NKAIN3: variants seen among roughly 807,000 people sequenced by gnomAD.
NKAIN3 encodes sodium/potassium transporting ATPase interacting 3.
A neutral mutation model predicts 30.2 loss-of-function variants in NKAIN3; 25 were observed. The ratio of observed to expected loss-of-function variants is 0.83; its 90% CI spans 0.60 to 1.16. NKAIN3 has a LOEUF of 1.16. Ranked by LOEUF, NKAIN3 falls within the 50% of genes most tolerant of loss-of-function variation. NKAIN3 has a pLI of 0.00. For synonymous variants in NKAIN3, 91 were observed against 89.6 expected (o/e 1.02, Z -0.09); for missense variants, 225 against 254.1 (o/e 0.89, Z 0.78).
At chr8:62,617,932 A>G (rs1403646919) in intron 3 of NKAIN3, among the ~76,000 whole-genome samples, 2 of 152,246 alleles carry the variant, frequency 1.3e-5, no homozygotes, top group African/African-American at 2.4e-5. Context: ...CACCAGAACT[A>G]CATAATACAA....
chr8:62,908,767 A>G (rs1172601919), intron 4 of NKAIN3, among the ~76,000 whole-genome samples: 1 of 152,176 alleles, frequency 6.6e-6, no homozygotes, highest in Non-Finnish European at 1.5e-5. Context: ...TCCTTTATAA[A>G]TTACCCAGTC....
At chr8:62,481,923 G>T (rs1285919706) in intron 1 of NKAIN3, among the ~76,000 whole-genome samples, 1 of 152,132 alleles carries the variant, frequency 6.6e-6, no homozygotes, top group Non-Finnish European at 1.5e-5. Flanking sequence ...GTGAATGGTG[G>T]TTAGGTGGCC....
intron 4 of NKAIN3, among the ~76,000 whole-genome samples, chr8:62,789,569 T>C (rs1462501437): frequency 2.0e-5 from 3 of 151,978 alleles, no homozygotes; most frequent in African/African-American, 4.8e-5. Context: ...TCCAACACTA[T>C]GTTGAATAGG....
rs1456606405 is a variant in NKAIN3, at chr8:62,331,382, T to C, written c.54+82255T>C. 3.3e-5 allele frequency among the ~76,000 whole-genome samples: 5 copies of C among 152,160 alleles called. No homozygotes were observed. The East Asian group carries it at 9.7e-4, about 30-fold the overall frequency. On this transcript the variant is annotated intron_variant, in intron 1 of 6. Coordinates refer to ENST00000623646, the MANE Select transcript of NKAIN3 (RefSeq NM_001304533.3). ...CTATCTCCCCTAGCTCTCACCTCAC[T>C]ATATTCAATTTGTGATTTGCATCCA... is the stretch of plus-strand genomic sequence containing the variant.
At chr8:62,605,779 TG>T (rs1811106437) in intron 3 of NKAIN3, among the ~76,000 whole-genome samples, 1 of 152,112 alleles carries the variant, frequency 6.6e-6, no homozygotes, top group Non-Finnish European at 1.5e-5. Flanking sequence ...TTCAGGGATT[TG>T]AGCACCCTCA....
At chr8:62,628,485 T>G (rs1469556919) in intron 3 of NKAIN3, among the ~76,000 whole-genome samples, 1 of 152,152 alleles carries the variant, frequency 6.6e-6, no homozygotes, top group Non-Finnish European at 1.5e-5. Flanking sequence ...ATCATTAAGT[T>G]TTTTCATTTC....
At chr8:62,746,438 G>A (rs1378311573) in intron 3 of NKAIN3, among the ~76,000 whole-genome samples, 1 of 152,172 alleles carries the variant, frequency 6.6e-6, no homozygotes, top group Non-Finnish European at 1.5e-5. Flanking sequence ...AGTATCATTG[G>A]TGGAGGCAAT....
At chr8:62,758,044 A>G (rs1816511397) in intron 4 of NKAIN3, among the ~76,000 whole-genome samples, 1 of 152,202 alleles carries the variant, frequency 6.6e-6, no homozygotes, top group South Asian at 2.1e-4. Context: ...TGCCCTGGAA[A>G]TACCTGTCGC....
At chr8:62,606,906 G>A (rs1422720510) in intron 3 of NKAIN3, among the ~76,000 whole-genome samples, 1 of 152,148 alleles carries the variant, frequency 6.6e-6, no homozygotes, top group Non-Finnish European at 1.5e-5. Flanking sequence ...CTGAGACAGT[G>A]GGTGTAGTTA....
chr8:62,560,535 T>C (rs960723874), intron 1 of NKAIN3, among the ~76,000 whole-genome samples: 186 of 59,296 alleles, frequency 3.1e-3, no homozygotes, highest in Non-Finnish European at 5.0e-3. Context: ...TCTTTTCTTT[T>C]TTTTTTTTTT....
At chr8:62,938,491 G>C (rs1822854870) in intron 5 of NKAIN3, among the ~76,000 whole-genome samples, 1 of 152,032 alleles carries the variant, frequency 6.6e-6, no homozygotes, top group Admixed American at 6.6e-5. Flanking sequence ...CTCACACAGA[G>C]TCCACTTCAC....
At chr8:62,462,377 G>A (rs576178356) in intron 1 of NKAIN3, among the ~76,000 whole-genome samples, 207 of 152,260 alleles carry the variant, frequency 1.4e-3, no homozygotes, top group Non-Finnish European at 1.6e-3. Flanking sequence ...ACAATGCACC[G>A]ATTGTTCATT....
chr8:62,701,920 T>C (rs1308816093), intron 3 of NKAIN3, among the ~76,000 whole-genome samples: 4 of 152,170 alleles, frequency 2.6e-5, no homozygotes, highest in Admixed American at 6.5e-5. Context: ...TAACCCCATA[T>C]ACTCAGAATG....
intron 3 of NKAIN3, among the ~76,000 whole-genome samples, chr8:62,744,260 A>T (rs570886847): frequency 1.2e-4 from 18 of 152,318 alleles, no homozygotes; most frequent in Non-Finnish European, 2.5e-4. Flanking sequence ...AAGAAGTTTG[A>T]AGTTTAAGTA....
chr8:62,441,840 A>G (rs1381700972), intron 1 of NKAIN3, among the ~76,000 whole-genome samples: 1 of 152,042 alleles, frequency 6.6e-6, no homozygotes, highest in Non-Finnish European at 1.5e-5. Flanking sequence ...AAAAATATGT[A>G]CCAAATCACC....
intron 1 of NKAIN3, among the ~76,000 whole-genome samples, chr8:62,464,351 T>A (rs1806089731): frequency 6.6e-6 from 1 of 152,230 alleles, no homozygotes; most frequent in South Asian, 2.1e-4. Flanking sequence ...GATAACAGCG[T>A]ATTTCATCAA....
Position 62,345,510 on chromosome 8 carries a change from T to TAC in NKAIN3, c.54+96384_54+96385insCA, listed in dbSNP as rs1490882477. On this transcript the variant is annotated intron_variant, in intron 1 of 6. Coordinates refer to ENST00000623646, the MANE Select transcript of NKAIN3 (RefSeq NM_001304533.3). Reference sequence around the variant, plus strand: ...ATATATACACACATATATACACATATATACACATATATGTATATATACACA... The same window carrying TAC: ...ATATATACACACATATATACACATATACATACACATATATGTATATATACACA... Among the ~76,000 whole-genome samples the TAC allele has an allele frequency of 2.4e-3, 102 of 42,922 alleles. 6 individuals are homozygous for TAC. Among genetic ancestry groups the TAC allele is most frequent in the Non-Finnish European group, 4.6e-3 (93 of 20,082 alleles). 28.2% of individuals were successfully genotyped at this position (42,922 alleles called of 152,430 possible). A position where few individuals can be genotyped will look rare whatever the true frequency, so the allele number is the denominator to read the frequency against.
At chr8:62,942,060 TA>T in intron 5 of NKAIN3, among the ~76,000 whole-genome samples, 3 of 151,766 alleles carry the variant, frequency 2.0e-5, no homozygotes, top group Admixed American at 2.0e-4. Context: ...ATAAATTCAG[TA>T]AAGTTTCAGG....
chr8:62,560,744 G>A (rs560228438), intron 1 of NKAIN3, among the ~76,000 whole-genome samples: 1 of 151,386 alleles, frequency 6.6e-6, no homozygotes, highest in South Asian at 2.1e-4. Flanking sequence ...TTTCACCATG[G>A]TGGCCAGGCT....
Sources: gnomAD v4.1 joint callset for allele counts (sites outside exome capture counted in the v4.1 genomes callset) on GRCh38, gnomAD v4.1.1 for gene constraint, MANE v1.5 for transcripts, NCBI Gene and HGNC (gene_info 2026-07-23, HGNC 2026-07-21) for gene names.